The following GRIA1 variants were observed in gnomAD, a reference collection of about 807,000 sequenced individuals.
The protein encoded by GRIA1 is glutamate ionotropic receptor AMPA type subunit 1, also known as glutamate receptor 1.
In GRIA1, 31 loss-of-function variants were observed where a neutral mutation model predicts 99.2. That is an observed-to-expected ratio of 0.31 (90% CI 0.23 to 0.42). The LOEUF (loss-of-function observed/expected upper bound fraction) is 0.42. Ranked by LOEUF, GRIA1 falls within the 10% of genes least tolerant of loss-of-function variation. The pLI, the probability that GRIA1 is intolerant of heterozygous loss-of-function variation, is 1.00. For synonymous variants in GRIA1, 438 were observed against 432.4 expected (o/e 1.01, Z -0.16); for missense variants, 782 against 1,157.5 (o/e 0.68, Z 4.71).
intron 2 of GRIA1, among the ~76,000 whole-genome samples, chr5:153,561,967 G>A (rs1224103685): frequency 2.6e-5 from 4 of 152,186 alleles, no homozygotes; most frequent in African/African-American, 7.2e-5. Flanking sequence ...AAAGCAAAGC[G>A]ATAGAACACT....
intron 11 of GRIA1, among the ~76,000 whole-genome samples, chr5:153,726,530 T>C (rs1433624695): frequency 1.3e-5 from 2 of 151,630 alleles, no homozygotes; most frequent in East Asian, 3.9e-4. Flanking sequence ...AAGAATCAAA[T>C]AGATGCAATA....
intron 15 of GRIA1, among the ~76,000 whole-genome samples, chr5:153,808,021 C>T (rs888353522): frequency 2.6e-5 from 4 of 152,228 alleles, no homozygotes; most frequent in Non-Finnish European, 5.9e-5. Flanking sequence ...GAGCATCCTC[C>T]ACAGCAGGTG....
chr5:153,603,320 C>G (rs1561680798), intron 2 of GRIA1, among the ~76,000 whole-genome samples: 1 of 152,122 alleles, frequency 6.6e-6, no homozygotes, highest in Non-Finnish European at 1.5e-5. Context: ...TCCAGTCTAT[C>G]ATTGTTGGAC....
chr5:153,614,053 T>A (rs1016152905), intron 2 of GRIA1, among the ~76,000 whole-genome samples: 1 of 152,186 alleles, frequency 6.6e-6, no homozygotes, highest in Non-Finnish European at 1.5e-5. Flanking sequence ...TCGGACAGTT[T>A]TTCATACATA....
Position 153,712,946 on chromosome 5 carries a change from C to A in GRIA1, c.1823+6879C>A, listed in dbSNP as rs569260840. ...AGTTCTACATGTTTCACAAGCCTCCCCACCCACTTCTGCCCCAGGGCTGAT... is the reference window on the plus strand; with the variant it reads ...AGTTCTACATGTTTCACAAGCCTCCACACCCACTTCTGCCCCAGGGCTGAT... On this transcript the variant is annotated intron_variant, in intron 11 of 15. Coordinates refer to ENST00000285900, the MANE Select transcript of GRIA1 (RefSeq NM_000827.4). 2.0e-5 allele frequency among the ~76,000 whole-genome samples: 3 copies of A among 152,308 alleles called. No individual in the cohort carries two copies. In the South Asian group the frequency reaches 6.2e-4, roughly 32 times the overall value.
At chr5:153,554,821 T>C (rs1029960597) in intron 2 of GRIA1, among the ~76,000 whole-genome samples, 3 of 152,192 alleles carry the variant, frequency 2.0e-5, no homozygotes, top group African/African-American at 4.8e-5. Flanking sequence ...AGAAAACTCA[T>C]CCAAGTGATT....
intron 11 of GRIA1, among the ~76,000 whole-genome samples, chr5:153,716,563 G>A (rs995147379): frequency 6.6e-6 from 1 of 152,080 alleles, no homozygotes; most frequent in Non-Finnish European, 1.5e-5. Flanking sequence ...GAGCACCCAG[G>A]AGAACATTTT....
At chr5:153,781,269 G>A (rs1764606804) in intron 13 of GRIA1, among the ~76,000 whole-genome samples, 1 of 151,528 alleles carries the variant, frequency 6.6e-6, no homozygotes, top group Admixed American at 6.6e-5. Context: ...TCCTTCCTCA[G>A]AACAAACGTC....
At chr5:153,632,632 C>G (rs1037430625) in intron 2 of GRIA1, among the ~76,000 whole-genome samples, 5 of 152,096 alleles carry the variant, frequency 3.3e-5, no homozygotes, top group Admixed American at 3.3e-4. Context: ...TTCACTTGAT[C>G]CTCACGGCGC....
chr5:153,585,921 T>A (rs1289035458), intron 2 of GRIA1, among the ~76,000 whole-genome samples: 1 of 152,132 alleles, frequency 6.6e-6, no homozygotes, highest in Admixed American at 6.6e-5. Flanking sequence ...GTCAAATCCT[T>A]AACACCTGAG....
intron 11 of GRIA1, among the ~76,000 whole-genome samples, chr5:153,741,282 G>A (rs1761767668): frequency 6.6e-6 from 1 of 152,098 alleles, no homozygotes; most frequent in African/African-American, 2.4e-5. Flanking sequence ...CCAGAAATTA[G>A]AATTCTTATA....
chr5:153,737,853 C>CT (rs1205399175), intron 11 of GRIA1, among the ~76,000 whole-genome samples: 1 of 152,230 alleles, frequency 6.6e-6, no homozygotes, highest in East Asian at 1.9e-4. Context: ...CAGTCAACTG[C>CT]TCTAATATAC....
chr5:153,565,313 C>G (rs548753988), intron 2 of GRIA1, among the ~76,000 whole-genome samples: 30 of 151,648 alleles, frequency 2.0e-4, no homozygotes, highest in Admixed American at 2.0e-3. Context: ...ACTTCCAAAG[C>G]CACCTTCAAC....
chr5:153,578,680 G>A (rs774787468), intron 2 of GRIA1, among the ~76,000 whole-genome samples: 18 of 152,150 alleles, frequency 1.2e-4, no homozygotes, highest in African/African-American at 1.7e-4. Context: ...AGCCCAAGGC[G>A]GGTGGATCAC....
rs915390669 is a variant in GRIA1, at chr5:153,559,007, T to C, written c.220+64942T>C. Among the ~76,000 whole-genome samples the C allele has an allele frequency of 4.6e-5, 7 of 152,278 alleles. No homozygotes were observed. In the Middle Eastern group the frequency reaches 0.01, roughly 222 times the overall value. ...AACAGGCATTGGGTTAGGATTGAAG[T>C]GCTTCCCACCTTAGTCTAGTCTTTC... On this transcript the variant is annotated intron_variant, in intron 2 of 15. Coordinates refer to ENST00000285900, the MANE Select transcript of GRIA1 (RefSeq NM_000827.4).
At chr5:153,790,532 T>C (rs1765233804) in intron 13 of GRIA1, among the ~76,000 whole-genome samples, 2 of 152,234 alleles carry the variant, frequency 1.3e-5, no homozygotes, top group Middle Eastern at 3.4e-3. Context: ...AACACCAGTC[T>C]GTGGACCAGT....
At chr5:153,729,700 A>T (rs1291517613) in intron 11 of GRIA1, among the ~76,000 whole-genome samples, 1 of 152,106 alleles carries the variant, frequency 6.6e-6, no homozygotes, top group African/African-American at 2.4e-5. Context: ...AATAAACAAC[A>T]TTCCCTTTCT....
intron 2 of GRIA1, among the ~76,000 whole-genome samples, chr5:153,588,885 C>G (rs376727093): frequency 2.4e-4 from 36 of 152,176 alleles, no homozygotes; most frequent in African/African-American, 8.2e-4. Context: ...TCAGCTCCTT[C>G]CTTTCAGGTA....
intron 12 of GRIA1, among the ~76,000 whole-genome samples, chr5:153,769,096 C>T (rs1260101570): frequency 1.3e-5 from 2 of 152,130 alleles, no homozygotes; most frequent in Non-Finnish European, 2.9e-5. Flanking sequence ...GACCTACATA[C>T]AAGGAGAGAT....
Sources: gnomAD v4.1 joint callset for allele counts (sites outside exome capture counted in the v4.1 genomes callset) on GRCh38, gnomAD v4.1.1 for gene constraint, MANE v1.5 for transcripts, NCBI Gene and HGNC (gene_info 2026-07-23, HGNC 2026-07-21) for gene names.